Variants in DLC1 observed in about 807,000 individuals in gnomAD.
DLC1 encodes the protein rho GTPase-activating protein 7.
In DLC1, 54 loss-of-function variants were observed where a neutral mutation model predicts 140.3. The observed-to-expected ratio is 0.38, with a 90% CI of 0.31 to 0.48. DLC1 has a LOEUF of 0.48. Ranked by LOEUF, DLC1 falls within the 20% of genes least tolerant of loss-of-function variation. The pLI, the probability that DLC1 is intolerant of heterozygous loss-of-function variation, is 0.96. For missense variants in DLC1, 2,536 were observed against 1,907.0 expected (o/e 1.33, Z -6.14); for synonymous variants, 986 against 728.1 (o/e 1.35, Z -5.70).
chr8:13,566,848 A>C (rs1430393834), intron 1 of DLC1: 2 of 1,119,428 alleles, frequency 1.8e-6, no homozygotes, highest in East Asian at 5.4e-5. Flanking sequence ...TTGCCAAGAC[A>C]GCTGGGAAGG....
chr8:13,231,433 A>G (rs1467126644), intron 5 of DLC1, among the ~76,000 whole-genome samples: 3 of 152,222 alleles, frequency 2.0e-5, no homozygotes, highest in Non-Finnish European at 4.4e-5. Flanking sequence ...GTTAAATGAG[A>G]TGATTTCTAG....
chr8:13,143,531 C>A (rs1037859372), intron 5 of DLC1, among the ~76,000 whole-genome samples: 2 of 152,140 alleles, frequency 1.3e-5, no homozygotes, highest in African/African-American at 4.8e-5. Context: ...TCACGGTTCA[C>A]TGCAGCCTTG....
chr8:13,224,535 G>C (rs1034589278), intron 5 of DLC1, among the ~76,000 whole-genome samples: 1 of 152,200 alleles, frequency 6.6e-6, no homozygotes, highest in Non-Finnish European at 1.5e-5. Flanking sequence ...GTCTTAACGT[G>C]TGTATCACTG....
In DLC1 at chr8:13,087,307, G is replaced by C. The variant is rs1325075704; in HGVS notation, c.4293-844C>G. Among the ~76,000 whole-genome samples, 4 of 152,164 alleles carry C rather than the reference G, an allele frequency of 2.6e-5. No individual in the cohort carries two copies. In the East Asian group the frequency reaches 7.7e-4, roughly 29 times the overall value. ...GTCCCAACTACTTGGGAGGCTGAGG[G>C]GGGAGGATTGCTTGAGCCTGGGAGG... On this transcript the variant is annotated intron_variant, in intron 16 of 17. Transcript: ENST00000276297.
chr8:13,400,304 A>AT (rs1318160163), intron 3 of DLC1, among the ~76,000 whole-genome samples: 4 of 151,982 alleles, frequency 2.6e-5, no homozygotes, highest in Non-Finnish European at 4.4e-5. Context: ...TCTTATATAC[A>AT]TTTTTTCATT....
At chr8:13,267,273 C>T (rs986251437) in intron 5 of DLC1, among the ~76,000 whole-genome samples, 3 of 151,446 alleles carry the variant, frequency 2.0e-5, no homozygotes, top group African/African-American at 7.3e-5. Flanking sequence ...TTAAATATAG[C>T]ATATTCTAAA....
At chr8:13,121,153 C>T (rs573716428) in intron 5 of DLC1, among the ~76,000 whole-genome samples, 2 of 152,088 alleles carry the variant, frequency 1.3e-5, no homozygotes, top group Non-Finnish European at 2.9e-5. Flanking sequence ...TTTGCAGATT[C>T]CCTGGATTCC....
At chr8:13,294,654 A>C (rs868186501) in intron 5 of DLC1, among the ~76,000 whole-genome samples, 2 of 152,144 alleles carry the variant, frequency 1.3e-5, no homozygotes, top group Non-Finnish European at 2.9e-5. Context: ...AAGAGGATGG[A>C]AAATTAGGGT....
At chr8:13,427,501 C>A (rs1838647516) in intron 2 of DLC1, among the ~76,000 whole-genome samples, 1 of 152,198 alleles carries the variant, frequency 6.6e-6, no homozygotes, top group Non-Finnish European at 1.5e-5. Context: ...GATTTAAAAG[C>A]ATCCCTGGAT....
chr8:13,095,263 G>T lies in DLC1; in HGVS notation c.3168-18C>A. The T allele has an allele frequency of 6.2e-7, 1 of 1,614,112 alleles. No homozygotes were observed. The highest frequency in any genetic ancestry group is 1.1e-5 in the South Asian group (1 of 91,066). On this transcript the variant is annotated intron_variant, in intron 10 of 17. Transcript: ENST00000276297. ...GCACGGCCCTGTTAAAGAACACAGA[G>T]ATGGTGGTGTTGGCGGAGACATGCT... is the stretch of plus-strand genomic sequence containing the variant.
At chr8:13,272,328 A>G (rs1830967346) in intron 5 of DLC1, among the ~76,000 whole-genome samples, 1 of 151,964 alleles carries the variant, frequency 6.6e-6, no homozygotes, top group Non-Finnish European at 1.5e-5. Context: ...GTTGCCTGTA[A>G]TCCCAGCTAC....
intron 2 of DLC1, among the ~76,000 whole-genome samples, chr8:13,417,761 T>C (rs932780742): frequency 1.3e-5 from 2 of 152,110 alleles, no homozygotes; most frequent in African/African-American, 2.4e-5. Context: ...GTATTTCTAG[T>C]TCTAGATCCC....
chr8:13,321,364 C>G (rs1039896641), intron 4 of DLC1, among the ~76,000 whole-genome samples: 12 of 151,570 alleles, frequency 7.9e-5, no homozygotes, highest in African/African-American at 2.9e-4. Flanking sequence ...ATGGTGAAAC[C>G]CCATCTCTAC....
intron 1 of DLC1, among the ~76,000 whole-genome samples, chr8:13,580,183 C>T (rs1290581574): frequency 2.0e-5 from 3 of 151,098 alleles, no homozygotes; most frequent in Non-Finnish European, 2.9e-5. Context: ...AGTGCAGTGG[C>T]GCAATCTCGG....
chr8:13,299,695 T>C (rs1045413248), intron 5 of DLC1, among the ~76,000 whole-genome samples: 4 of 152,014 alleles, frequency 2.6e-5, no homozygotes, highest in African/African-American at 9.7e-5. Flanking sequence ...GTGAGGCTCC[T>C]TGCGGGAAAC....
intron 3 of DLC1, 72 bp from the exon 4 acceptor site, chr8:13,393,765 A>T (rs2117216466): frequency 6.5e-7 from 1 of 1,535,470 alleles, no homozygotes; most frequent in South Asian, 1.3e-5. Flanking sequence ...CTACCACCAG[A>T]ACTTTGTCAC....
chr8:13,151,501 G>A (rs1823809667), intron 5 of DLC1, among the ~76,000 whole-genome samples: 1 of 152,174 alleles, frequency 6.6e-6, no homozygotes, highest in Non-Finnish European at 1.5e-5. Flanking sequence ...GTGCTTAAGT[G>A]TAATCTGCAT....
intron 2 of DLC1, among the ~76,000 whole-genome samples, chr8:13,479,802 A>AAAGAAGAAGAAG (rs60625191): frequency 0.018 from 1,034 of 56,876 alleles, 28 homozygotes; most frequent in East Asian, 0.041. Context: ...GAAAGAAAGA[A>AAAGAAGAAGAAG]AAGAAGAAGA....
At chr8:13,387,212 A>G (rs1384219366) in intron 4 of DLC1, among the ~76,000 whole-genome samples, 2 of 152,016 alleles carry the variant, frequency 1.3e-5, no homozygotes, top group Non-Finnish European at 2.9e-5. Flanking sequence ...AGCCAATTTT[A>G]TATATTACCT....
Sources: allele counts gnomAD v4.1 joint callset (sites outside exome capture counted in the v4.1 genomes callset), GRCh38; gene constraint gnomAD v4.1.1; transcripts MANE v1.5; gene names NCBI Gene and HGNC (gene_info 2026-07-23, HGNC 2026-07-21).